The following PRDM16 variants were observed in gnomAD, a reference collection of about 807,000 sequenced individuals.
The protein encoded by PRDM16 is histone-lysine N-methyltransferase PRDM16.
A neutral mutation model predicts 110.6 loss-of-function variants in PRDM16; 23 were observed. The ratio of observed to expected loss-of-function variants is 0.21; its 90% CI spans 0.15 to 0.29. The LOEUF is 0.29. Ranked by LOEUF, PRDM16 falls within the 10% of genes least tolerant of loss-of-function variation. The pLI is 1.00. For synonymous variants in PRDM16, 799 were observed against 781.8 expected (o/e 1.02, Z -0.37); for missense variants, 1,615 against 1,794.3 (o/e 0.90, Z 1.81).
intron 1 of PRDM16, among the ~76,000 whole-genome samples, chr1:3,088,521 G>A (rs34014659): frequency 0.087 from 13,093 of 149,892 alleles, 729 homozygotes; most frequent in Non-Finnish European, 0.13. Flanking sequence ...GCTGGAGTGC[G>A]GTGGCGCGAT....
At chr1:3,079,170 G>A (rs779090342) in intron 1 of PRDM16, among the ~76,000 whole-genome samples, 7 of 152,240 alleles carry the variant, frequency 4.6e-5, no homozygotes, top group Non-Finnish European at 7.3e-5. Context: ...GCCGCTGCCC[G>A]GGCCTGTTTG....
chr1:3,339,742 C>T lies in PRDM16; in HGVS notation c.439-45410C>T, dbSNP rs1016872542. On this transcript the variant is annotated intron_variant, in intron 3 of 16. Coordinates refer to ENST00000270722, the MANE Select transcript of PRDM16 (RefSeq NM_022114.4). The surrounding 1 kb of genome is among the most constrained non-coding windows in gnomAD (Gnocchi z 5.0). ...CAGCCTCCCTCAGAACTGTGGGAGA[C>T]GGGGCTAAACTCCCCCCTCACCTGC... Among the ~76,000 whole-genome samples, 1 of 152,104 alleles carries T rather than the reference C, an allele frequency of 6.6e-6. No homozygotes were observed. The highest frequency in any genetic ancestry group is 1.5e-5 in the Non-Finnish European group (1 of 68,018).
chr1:3,301,252 G>C (rs1051272543), intron 3 of PRDM16, among the ~76,000 whole-genome samples: 2 of 149,168 alleles, frequency 1.3e-5, no homozygotes, highest in Non-Finnish European at 3.0e-5. Context: ...GATTGCTTGA[G>C]TTCTGGAGGT....
chr1:3,209,622 G>T lies in PRDM16; in HGVS notation c.387+23148G>T, dbSNP rs374096323. Among the ~76,000 whole-genome samples the T allele has an allele frequency of 6.6e-6, 1 of 152,162 alleles. No individual in the cohort carries two copies. Among genetic ancestry groups the T allele is most frequent in the Admixed American group, 6.5e-5 (1 of 15,282 alleles). ...GTGGAATGTCCTGGAACCTCACTTC[G>T]GGATCCTTTGTCGAGACCAATTGGC... is the stretch of plus-strand genomic sequence containing the variant. On this transcript the variant is annotated intron_variant, in intron 2 of 16. Transcript: ENST00000270722. The surrounding 1 kb of genome is among the most constrained non-coding windows in gnomAD (Gnocchi z 4.6).
chr1:3,129,482 C>T (rs1472717229), intron 1 of PRDM16, among the ~76,000 whole-genome samples: 3 of 152,040 alleles, frequency 2.0e-5, no homozygotes, highest in Non-Finnish European at 4.4e-5. Context: ...TGTGTGTGGC[C>T]TGTGCACTCA....
At chr1:3,107,020 G>A (rs1642674497) in intron 1 of PRDM16, among the ~76,000 whole-genome samples, 1 of 152,240 alleles carries the variant, frequency 6.6e-6, no homozygotes, top group South Asian at 2.1e-4. Context: ...CAGGGGGCAG[G>A]CCCTAGGGCC....
At chr1:3,183,885 G>T (rs1228480967) in intron 1 of PRDM16, among the ~76,000 whole-genome samples, 1 of 152,180 alleles carries the variant, frequency 6.6e-6, no homozygotes, top group Non-Finnish European at 1.5e-5. Context: ...AGGCGCCCAC[G>T]CCCGAGAGGA....
chr1:3,180,972 T>C (rs375155779), intron 1 of PRDM16, among the ~76,000 whole-genome samples: 3,238 of 144,420 alleles, frequency 0.022, 126 homozygotes, highest in African/African-American at 0.076. Flanking sequence ...ACACACTCGG[T>C]CTTACACACG....
At chr1:3,302,738 A>C (rs1270914075) in intron 3 of PRDM16, among the ~76,000 whole-genome samples, 2 of 152,182 alleles carry the variant, frequency 1.3e-5, no homozygotes, top group African/African-American at 4.8e-5. Flanking sequence ...GCCACAAAAA[A>C]ACCAAACGTG....
intron 14 of PRDM16, among the ~76,000 whole-genome samples, chr1:3,428,196 C>CAGAAGGCTGT (rs1638667417): frequency 6.7e-6 from 1 of 148,368 alleles, no homozygotes. Flanking sequence ...CCCACCAGGA[C>CAGAAGGCTGT]CCCGAGCTAG....
chr1:3,074,799 G>A (rs563870684), intron 1 of PRDM16, among the ~76,000 whole-genome samples: 4 of 151,854 alleles, frequency 2.6e-5, no homozygotes, highest in South Asian at 4.1e-4. Context: ...ACCACCCACC[G>A]CCTCCACCCA....
chr1:3,396,360 T>C (rs2100630119), intron 4 of PRDM16, 131 bp from the exon 5 acceptor site: 1 of 710,142 alleles, frequency 1.4e-6, no homozygotes, highest in African/African-American at 1.7e-5. Context: ...TGGACCCTCT[T>C]GGTGGCAATT....
At chr1:3,427,242 C>T (rs1638636848) in intron 14 of PRDM16, among the ~76,000 whole-genome samples, 1 of 152,222 alleles carries the variant, frequency 6.6e-6, no homozygotes, top group African/African-American at 2.4e-5. Context: ...CCCAGCGGGG[C>T]TGCTTCCTTT....
intron 14 of PRDM16, among the ~76,000 whole-genome samples, chr1:3,427,314 G>A (rs955676530): frequency 1.3e-5 from 2 of 152,224 alleles, no homozygotes; most frequent in Non-Finnish European, 2.9e-5. Flanking sequence ...CAAGAGGCCT[G>A]AGGGGGTGAT....
chr1:3,320,657 C>T (rs1043890699), intron 3 of PRDM16, among the ~76,000 whole-genome samples: 2 of 152,202 alleles, frequency 1.3e-5, no homozygotes, highest in East Asian at 1.9e-4. Flanking sequence ...TGTTGGAAAG[C>T]CCAGTGCCTT....
chr1:3,107,790 G>A (rs921108271), intron 1 of PRDM16, among the ~76,000 whole-genome samples: 7 of 152,234 alleles, frequency 4.6e-5, no homozygotes, highest in African/African-American at 1.7e-4. Context: ...TGTGCTGGCT[G>A]TGGCCCCTGG....
At chr1:3,170,323 G>A (rs1644011713) in intron 1 of PRDM16, among the ~76,000 whole-genome samples, 1 of 152,338 alleles carries the variant, frequency 6.6e-6, no homozygotes, top group South Asian at 2.1e-4. Flanking sequence ...TTCCAGAGAG[G>A]GGCTGCAGCT....
In PRDM16 at chr1:3,186,213, C is replaced by T. The variant is rs762836277; in HGVS notation, c.126C>T (p.Ala42=). ...CGGAGGACGAGGCCGAGGACAGTGC[C>T]ATGTCGCCCATCCCCGTGGGGCCAC... ...HSAEDEAEDS[A]MSPIPVGPPS... is the part of the protein sequence containing the mutation. The change falls in exon 2 of 17, where the codon GCC becomes GCT. Residue 42 remains alanine (A), a synonymous_variant. Coordinates refer to ENST00000270722, the MANE Select transcript of PRDM16 (RefSeq NM_022114.4). The T allele has an allele frequency of 6.2e-7, 1 of 1,612,806 alleles. No homozygotes were observed. Among genetic ancestry groups the T allele is most frequent in the Non-Finnish European group, 8.5e-7 (1 of 1,179,954 alleles).
intron 1 of PRDM16, among the ~76,000 whole-genome samples, chr1:3,181,297 GTCTTACACACGGTCTTACACACGCAA>G (rs1644170971): frequency 2.5e-4 from 19 of 75,998 alleles, no homozygotes; most frequent in Admixed American, 4.2e-4. Flanking sequence ...TACACACGCA[GTCTTACACACGGTCTTACACACGCAA>G]TCTTACACAA....
Sources: gnomAD v4.1 joint callset for allele counts (sites outside exome capture counted in the v4.1 genomes callset) on GRCh38, gnomAD v4.1.1 for gene constraint, Gnocchi (gnomAD v3.1) non-coding constraint, MANE v1.5 for transcripts, NCBI Gene and HGNC (gene_info 2026-07-23, HGNC 2026-07-21) for gene names.